Variants in INPP5F observed in about 807,000 individuals in gnomAD.
INPP5F encodes inositol polyphosphate-5-phosphatase F.
A neutral mutation model predicts 137.2 loss-of-function variants in INPP5F; 97 were observed. That is an observed-to-expected ratio of 0.71 (90% CI 0.60 to 0.84). INPP5F has a LOEUF of 0.84. INPP5F is among the 40% of genes least tolerant of loss of function. INPP5F has a pLI of 0.00. For missense variants in INPP5F, 1,271 were observed against 1,371.9 expected (o/e 0.93, Z 1.16); for synonymous variants, 504 against 476.9 (o/e 1.06, Z -0.74).
chr10:119,802,333 A>G (rs1209686096), intron 9 of INPP5F, among the ~76,000 whole-genome samples: 4 of 152,314 alleles, frequency 2.6e-5, no homozygotes, highest in Non-Finnish European at 4.4e-5. Flanking sequence ...GGATGGAAAG[A>G]ACCTGTGTCC....
chr10:119,756,110 C>T (rs187951450), intron 2 of INPP5F, among the ~76,000 whole-genome samples: 151 of 151,950 alleles, frequency 9.9e-4, no homozygotes, highest in African/African-American at 3.3e-3. Flanking sequence ...AAGCCAGGAT[C>T]GCACCACTGC....
intron 1 of INPP5F, among the ~76,000 whole-genome samples, chr10:119,742,967 G>A (rs1848419920): frequency 6.6e-6 from 1 of 152,132 alleles, no homozygotes; most frequent in South Asian, 2.1e-4. Flanking sequence ...ACTCCAGCCT[G>A]GGCGACAAGA....
At chr10:119,775,353 G>A (rs1262710420) in intron 2 of INPP5F, among the ~76,000 whole-genome samples, 4 of 152,036 alleles carry the variant, frequency 2.6e-5, no homozygotes, top group South Asian at 2.1e-4. Flanking sequence ...GACCTCTCTC[G>A]GCTCAGGTGA....
Position 119,786,469 on chromosome 10 carries a change from G to C in INPP5F, c.315+4698G>C, listed in dbSNP as rs531807214. ...GGACTGAATTTAACCTTTTCAGAAA[G>C]GTAGTGCTCTATACTTTATTTTCTA... On this transcript the variant is annotated intron_variant, in intron 3 of 19. Coordinates refer to ENST00000650623, the MANE Select transcript of INPP5F (RefSeq NM_014937.4). Among the ~76,000 whole-genome samples the C allele has an allele frequency of 3.3e-5, 5 of 152,268 alleles. 1 individual carries two copies. Among genetic ancestry groups the C allele is most frequent in the African/African-American group, 1.2e-4 (5 of 41,550 alleles).
chr10:119,766,169 A>G (rs1849160599), intron 2 of INPP5F, among the ~76,000 whole-genome samples: 1 of 152,168 alleles, frequency 6.6e-6, no homozygotes, highest in Non-Finnish European at 1.5e-5. Flanking sequence ...TTAGAGAGCA[A>G]GGTAGCCCAT....
At chr10:119,771,023 G>A (rs898207838) in intron 2 of INPP5F, among the ~76,000 whole-genome samples, 6 of 152,034 alleles carry the variant, frequency 3.9e-5, no homozygotes, top group African/African-American at 7.2e-5. Context: ...GCAAGGTTAC[G>A]CAACATTTAC....
chr10:119,735,142 C>T (rs1331894496), intron 1 of INPP5F, among the ~76,000 whole-genome samples: 1 of 152,202 alleles, frequency 6.6e-6, no homozygotes, highest in Non-Finnish European at 1.5e-5. Flanking sequence ...TAGGATGACT[C>T]ATTTTCTGGT....
At position 119,787,860 on chromosome 10, in the gene INPP5F, G is replaced by C. The variant is rs903067718; in HGVS notation, c.316-3657G>C. Among the ~76,000 whole-genome samples the C allele has an allele frequency of 1.3e-5, 2 of 152,160 alleles. No individual in the cohort carries two copies. The highest frequency in any genetic ancestry group is 4.8e-5 in the African/African-American group (2 of 41,448). ...GATCCTGGGGCCATGCTTAGCACTT[G>C]AGGCCTGGTGCTCAGGTGGAACTCC... On this transcript the variant is annotated intron_variant, in intron 3 of 19. Coordinates refer to ENST00000650623, the MANE Select transcript of INPP5F (RefSeq NM_014937.4). The surrounding 1 kb of genome is among the most constrained non-coding windows in gnomAD (Gnocchi z 4.1).
intron 3 of INPP5F, among the ~76,000 whole-genome samples, chr10:119,783,544 C>G (rs1849776589): frequency 1.3e-5 from 2 of 152,252 alleles, no homozygotes; most frequent in South Asian, 4.1e-4. Context: ...TTCTGATGTC[C>G]TTCATGGCCA....
At chr10:119,820,642 C>T (rs1048641724) in intron 15 of INPP5F, among the ~76,000 whole-genome samples, 1 of 152,186 alleles carries the variant, frequency 6.6e-6, no homozygotes, top group Non-Finnish European at 1.5e-5. Flanking sequence ...TCACTTCCCA[C>T]ATCTGCTTTT....
chr10:119,774,494 TG>T (rs1467547222), intron 2 of INPP5F, among the ~76,000 whole-genome samples: 1 of 150,140 alleles, frequency 6.7e-6, no homozygotes, highest in East Asian at 1.9e-4. Context: ...TTGTTCGTTT[TG>T]TTTTTTTTTT....
At chr10:119,790,397 G>C (rs1192698914) in intron 3 of INPP5F, among the ~76,000 whole-genome samples, 1 of 152,146 alleles carries the variant, frequency 6.6e-6, no homozygotes, top group Non-Finnish European at 1.5e-5. Flanking sequence ...GGTAGGGCAG[G>C]AGCAGCTTAA....
chr10:119,740,143 A>G (rs1848332904), intron 1 of INPP5F, among the ~76,000 whole-genome samples: 1 of 152,064 alleles, frequency 6.6e-6, no homozygotes, highest in Non-Finnish European at 1.5e-5. Flanking sequence ...CAGCCTTAGG[A>G]CCTTGTACTT....
chr10:119,762,212 A>G (rs375912799), intron 2 of INPP5F, among the ~76,000 whole-genome samples: 1 of 152,192 alleles, frequency 6.6e-6, no homozygotes, highest in Non-Finnish European at 1.5e-5. Flanking sequence ...CTGTAACAGA[A>G]TGTCATGGAC....
intron 2 of INPP5F, among the ~76,000 whole-genome samples, chr10:119,780,322 C>T (rs1322618415): frequency 6.6e-6 from 1 of 152,048 alleles, no homozygotes; most frequent in East Asian, 1.9e-4. Flanking sequence ...TGCCTATAAT[C>T]CCAGCACTTT....
intron 6 of INPP5F, among the ~76,000 whole-genome samples, chr10:119,795,904 C>T (rs538587827): frequency 9.2e-5 from 14 of 152,316 alleles, no homozygotes; most frequent in African/African-American, 2.4e-4. Context: ...GGGGAAACCC[C>T]GTCTCCACCA....
chr10:119,761,790 C>T (rs981642178), intron 2 of INPP5F, among the ~76,000 whole-genome samples: 1 of 152,082 alleles, frequency 6.6e-6, no homozygotes, highest in East Asian at 1.9e-4. Context: ...GTTTTATGCA[C>T]ACTTAGGACT....
chr10:119,748,785 A>C lies in INPP5F; in HGVS notation c.98-2291A>C, dbSNP rs141626135. ...GCACCCTGAGTTCTTACTCCAGCTC[A>C]CGGACTCCACCCGGAACCTGCAGCT... On this transcript the variant is annotated intron_variant, in intron 1 of 19. Coordinates refer to ENST00000650623, the MANE Select transcript of INPP5F (RefSeq NM_014937.4). This position sits in a 1 kb window ranked among gnomAD's most constrained non-coding sequence, Gnocchi z 4.7. 6.6e-6 allele frequency among the ~76,000 whole-genome samples: 1 copy of C among 152,270 alleles called. No individual in the cohort carries two copies. Among genetic ancestry groups the C allele is most frequent in the Non-Finnish European group, 1.5e-5 (1 of 68,002 alleles).
intron 2 of INPP5F, among the ~76,000 whole-genome samples, chr10:119,767,127 A>C (rs929400092): frequency 2.7e-5 from 4 of 149,542 alleles, no homozygotes; most frequent in East Asian, 1.9e-4. Flanking sequence ...AAAAAAAAAA[A>C]AAAAAACCTA....
Sources: allele counts gnomAD v4.1 joint callset (sites outside exome capture counted in the v4.1 genomes callset), GRCh38; gene constraint gnomAD v4.1.1; non-coding constraint Gnocchi (gnomAD v3.1); transcripts MANE v1.5; gene names NCBI Gene and HGNC (gene_info 2026-07-23, HGNC 2026-07-21).